ANGPTL6: variants seen among roughly 807,000 people sequenced by gnomAD.
The protein encoded by ANGPTL6 is angiopoietin like 6.
A neutral mutation model predicts 47.4 loss-of-function variants in ANGPTL6; 45 were observed. That is an observed-to-expected ratio of 0.95 (90% confidence interval 0.75 to 1.22). The LOEUF is 1.22. ANGPTL6 is among the 50% of genes most tolerant of loss of function. The probability of loss-of-function intolerance (pLI) is 0.00; values close to 1 mark genes in which losing one functional copy is unlikely to be tolerated. For missense variants in ANGPTL6, 698 were observed against 669.4 expected (o/e 1.04, Z -0.47); for synonymous variants, 290 against 295.9 (o/e 0.98, Z 0.20).
In ANGPTL6 at chr19:10,096,401, C is replaced by T. The variant is rs1475660857; in HGVS notation, c.163G>A (p.Glu55Lys). ...SGPASTRATP[E>K]AANASELAAL... Reference sequence around the variant, plus strand: ...GCCAGCTCGCTGGCGTTGGCGGCCTCGGGCGTCGCCCGCGTGGATGCGGGG... The same window carrying T: ...GCCAGCTCGCTGGCGTTGGCGGCCTTGGGCGTCGCCCGCGTGGATGCGGGG... Residue 55 changes from glutamate to lysine, a missense_variant, in exon 2 of 6, where the codon GAG becomes AAG. Glu to Lys is a moderately conservative substitution (Grantham distance 56). Transcript: ENST00000253109. The T allele has an allele frequency of 1.6e-5, 21 of 1,309,130 alleles. No individual in the cohort carries two copies. Among genetic ancestry groups the T allele is most frequent in the East Asian group, 1.2e-4 (4 of 32,122 alleles). The allele number at this position is 1,309,130 out of a possible 1,614,324, so 81.1% of individuals were successfully genotyped here. A position where few individuals can be genotyped will look rare whatever the true frequency, so the allele number is the denominator to read the frequency against.
At chr19:10,099,340 G>T (rs2088621257) in intron 1 of ANGPTL6, among the ~76,000 whole-genome samples, 1 of 152,244 alleles carries the variant, frequency 6.6e-6, no homozygotes, top group South Asian at 2.1e-4. Context: ...ACTTTGGGAG[G>T]CGGAGGCGGG....
Position 10,094,750 on chromosome 19 carries a change from C to T in ANGPTL6, c.763+8G>A, listed in dbSNP as rs2088486475. ...ACCCACAATTCCTCAGCCCTAATGTCGACTTACCCACAGGCTTGGTGGGGA... is the reference window on the plus strand; with the variant it reads ...ACCCACAATTCCTCAGCCCTAATGTTGACTTACCCACAGGCTTGGTGGGGA... On this transcript the variant is annotated splice_region_variant and intron_variant, in intron 3 of 5. Coordinates refer to ENST00000253109, the MANE Select transcript of ANGPTL6 (RefSeq NM_031917.3). 4.3e-6 allele frequency: 7 copies of T among 1,614,146 alleles called. No homozygotes were observed. The highest frequency in any genetic ancestry group is 1.6e-4 in the Middle Eastern group (1 of 6,062).
Position 10,096,137 on chromosome 19 carries a change from C to T in ANGPTL6, c.427G>A (p.Val143Met). 7.1e-7 allele frequency: 1 copy of T among 1,404,698 alleles called. No individual in the cohort carries two copies. Among genetic ancestry groups the T allele is most frequent in the East Asian group, 2.9e-5 (1 of 34,414 alleles). The allele number at this position is 1,404,698 out of a possible 1,614,324, so 87.0% of individuals were successfully genotyped here. ...AAALALLGER[V>M]LNASAEAQRA... ...TGAGCCTCGGCGGACGCGTTGAGCA[C>T]GCGCTCCCCGAGCAGCGCCAGCGCC... is the stretch of plus-strand genomic sequence containing the variant. Residue 143 changes from valine to methionine, a missense_variant, in exon 2 of 6, where the codon GTG (valine) becomes ATG (methionine). Transcript: ENST00000253109.
At chr19:10,103,602 AAT>A (rs982581483), upstream of ANGPTL6, among the ~76,000 whole-genome samples, 15 of 33,176 alleles carry the variant, frequency 4.5e-4, no homozygotes, top group African/African-American at 6.1e-3. Context: ...CTCAAAAATA[AAT>A]AAATAAATAA....
chr19:10,093,903 G>C (rs767665642), intron 3 of ANGPTL6, 23 bp from the exon 4 acceptor site: 1 of 1,603,296 alleles, frequency 6.2e-7, no homozygotes, highest in South Asian at 1.1e-5. Context: ...GGATAGGGGG[G>C]AGGCACAGCC....
intron 1 of ANGPTL6, among the ~76,000 whole-genome samples, chr19:10,096,931 CAAAAAAAA>C (rs59730305): frequency 9.3e-5 from 11 of 118,742 alleles, no homozygotes; most frequent in South Asian, 5.4e-4. Flanking sequence ...CCTGTCTCTA[CAAAAAAAA>C]AAAAAAAAAA....
intron 1 of ANGPTL6, among the ~76,000 whole-genome samples, chr19:10,098,155 A>G (rs1347335264): frequency 6.6e-6 from 1 of 152,018 alleles, no homozygotes; most frequent in Non-Finnish European, 1.5e-5. Flanking sequence ...AAATGCTGAG[A>G]TTACAGGTGT....
chr19:10,096,660 C>A, intron 1 of ANGPTL6, 87 bp from the exon 2 acceptor site: 1 of 1,053,252 alleles, frequency 9.5e-7, no homozygotes, highest in Non-Finnish European at 1.3e-6. Context: ...CGCGCGTCTA[C>A]ACCCGCGATG....
chr19:10,096,021 C>G lies in ANGPTL6; in HGVS notation c.543G>C (p.Leu181=). The G allele has an allele frequency of 7.3e-7, 1 of 1,371,692 alleles. No individual in the cohort carries two copies. The highest frequency in any genetic ancestry group is 9.5e-7 in the Non-Finnish European group (1 of 1,057,454). 85.0% of individuals were successfully genotyped at this position (1,371,692 alleles called of 1,614,324 possible). ...VTQQSSLIAR[L]ERLCPGGAGG... Reference sequence around the variant, plus strand: ...CCGCGCCTCCCGGGCACAGGCGCTCCAGGCGGGCGATGAGACTGCTCTGCT... The same window carrying G: ...CCGCGCCTCCCGGGCACAGGCGCTCGAGGCGGGCGATGAGACTGCTCTGCT... The change falls in exon 2 of 6, where the codon CTG becomes CTC. Residue 181 remains leucine (L), a synonymous_variant. Coordinates refer to ENST00000253109, the MANE Select transcript of ANGPTL6 (RefSeq NM_031917.3).
intron 1 of ANGPTL6, among the ~76,000 whole-genome samples, chr19:10,101,216 A>G (rs2088669726): frequency 6.6e-6 from 1 of 151,736 alleles, no homozygotes; most frequent in Non-Finnish European, 1.5e-5. Flanking sequence ...CTCAAAAAAA[A>G]ATAAAATAGA....
chr19:10,096,155 C>T lies in ANGPTL6; in HGVS notation c.409G>A (p.Ala137Thr), dbSNP rs766326579. The change falls in exon 2 of 6, where the codon GCG (alanine) becomes ACG (threonine). Residue 137 changes from alanine (A) to threonine (T), a missense_variant. Physicochemically the swap from Ala to Thr is moderately conservative, Grantham distance 58. Coordinates refer to ENST00000253109, the MANE Select transcript of ANGPTL6 (RefSeq NM_031917.3). ...TTGAGCACGCGCTCCCCGAGCAGCG[C>T]CAGCGCCGCGGCAGGCTCCGCCCCC... is the stretch of plus-strand genomic sequence containing the variant. ...DLGAEPAAAL[A>T]LLGERVLNAS... 5 of 1,328,926 alleles carry T rather than the reference C, an allele frequency of 3.8e-6. No individual in the cohort carries two copies. The highest frequency in any genetic ancestry group is 4.8e-6 in the Non-Finnish European group (5 of 1,039,508). 82.3% of individuals were successfully genotyped at this position (1,328,926 alleles called of 1,614,324 possible).
At chr19:10,103,959 G>GGC (rs1555757305), upstream of ANGPTL6, among the ~76,000 whole-genome samples, 9 of 151,350 alleles carry the variant, frequency 5.9e-5, no homozygotes, top group Non-Finnish European at 1.3e-4. Context: ...CGGGTGTGGT[G>GGC]GCCCATGCCT....
Position 10,093,333 on chromosome 19 carries a change from T to C in ANGPTL6, c.1222+16A>G, listed in dbSNP as rs540773400. Reference sequence around the variant, plus strand: ...CGCCTCCCCTATCCTCTCACCAGAATAGGAGTTCTCCTTACCAGAATAGGA... The same window carrying C: ...CGCCTCCCCTATCCTCTCACCAGAACAGGAGTTCTCCTTACCAGAATAGGA... On this transcript the variant is annotated intron_variant, in intron 5 of 5. Transcript: ENST00000253109. 7 of 1,606,868 alleles carry C rather than the reference T, an allele frequency of 4.4e-6. No individual in the cohort carries two copies. The East Asian group carries it at 6.7e-5, about 15-fold the overall frequency.
upstream of ANGPTL6, among the ~76,000 whole-genome samples, chr19:10,103,165 A>G (rs1228625086): frequency 6.6e-6 from 1 of 151,904 alleles, no homozygotes; most frequent in Non-Finnish European, 1.5e-5. Flanking sequence ...AAAAGAGACC[A>G]GGATGGGAGC....
At chr19:10,094,435 C>T (rs973353464) in intron 3 of ANGPTL6, 2 of 342,310 alleles carry the variant, frequency 5.8e-6, no homozygotes, top group Admixed American at 4.9e-5. Context: ...CATGAGCCAT[C>T]GCGCCCGGCC....
intron 3 of ANGPTL6, 95 bp downstream of exon 3, chr19:10,094,663 T>C (rs1178695458): frequency 8.9e-6 from 13 of 1,453,166 alleles, no homozygotes; most frequent in African/African-American, 1.4e-5. Context: ...GTATCATTTC[T>C]TCTGGTCTTC....
At chr19:10,098,726 A>C (rs1181684623) in intron 1 of ANGPTL6, among the ~76,000 whole-genome samples, 4 of 151,882 alleles carry the variant, frequency 2.6e-5, no homozygotes, top group Non-Finnish European at 5.9e-5. Flanking sequence ...TGGGAGGCTG[A>C]GGCAGGAGAA....
Position 10,096,262 on chromosome 19 carries a change from C to G in ANGPTL6, c.302G>C (p.Arg101Pro). The G allele has an allele frequency of 8.4e-6, 10 of 1,190,652 alleles. No homozygotes were observed. The highest frequency in any genetic ancestry group is 1.0e-5 in the Non-Finnish European group (10 of 963,074). The allele number at this position is 1,190,652 out of a possible 1,614,324, so 73.8% of individuals were successfully genotyped here. The part of the protein sequence containing the change: ...GEVRALRKES[R>P]GLSARLGQLR... ...CTGGCCCAGGCGCGCGCTCAGGCCG[C>G]GGCTCTCCTTGCGCAGCGCGCGCAC... The change falls in exon 2 of 6, where the codon CGC becomes CCC. Residue 101 changes from arginine to proline, a missense_variant. Transcript: ENST00000253109.
intron 1 of ANGPTL6, among the ~76,000 whole-genome samples, chr19:10,099,764 G>A (rs568004468): frequency 1.3e-5 from 2 of 151,196 alleles, no homozygotes; most frequent in South Asian, 2.1e-4. Flanking sequence ...TCTCAGCAGC[G>A]CTCCTTGAAC....
Sources: gnomAD v4.1 joint callset for allele counts (sites outside exome capture counted in the v4.1 genomes callset) on GRCh38, gnomAD v4.1.1 for gene constraint, MANE v1.5 for transcripts, NCBI Gene and HGNC (gene_info 2026-07-23, HGNC 2026-07-21) for gene names.